The following S100A9 variants were observed in gnomAD, a reference collection of about 807,000 sequenced individuals.
S100A9 encodes S100 calcium binding protein A9.
In S100A9, 2 loss-of-function variants were observed where a neutral mutation model predicts 4.3. The observed-to-expected ratio is 0.47, with a 90% CI of 0.19 to 1.48. The LOEUF is 1.48. Ranked by LOEUF, S100A9 falls within the 40% of genes most tolerant of loss-of-function variation. The pLI is 0.24. For missense variants in S100A9, 130 were observed against 144.4 expected, an observed-to-expected ratio of 0.90 and a Z score of 0.51; for synonymous variants, 67 against 54.0, an observed-to-expected ratio of 1.24 and a Z score of -1.06.
chr1:153,360,921 A>T lies in S100A9; in HGVS notation c.*83A>T. 1 of 1,129,298 alleles carries T rather than the reference A, an allele frequency of 8.9e-7. No homozygotes were observed. Among genetic ancestry groups the T allele is most frequent in the Non-Finnish European group, 1.2e-6 (1 of 807,354 alleles). The allele number at this position is 1,129,298 out of a possible 1,614,324, so 70.0% of individuals were successfully genotyped here. ...GGCCACAGCCACTAATCAGGAGGCC[A>T]GGCCACCCTGCCTCTACCCAACCAG... On this transcript the variant is annotated 3_prime_UTR_variant, in exon 3 of 3. Coordinates refer to ENST00000368738, the MANE Select transcript of S100A9 (RefSeq NM_002965.4).
chr1:153,358,568 T>C, intron 2 of S100A9, 135 bp downstream of exon 2: 1 of 699,806 alleles, frequency 1.4e-6, no homozygotes, highest in Non-Finnish European at 2.4e-6. Flanking sequence ...GCAGCGAGTG[T>C]CCTGTTATAC....
At chr1:153,360,499 A>T (rs1297516468) in intron 2 of S100A9, 145 bp from the exon 3 acceptor site, 2 of 598,768 alleles carry the variant, frequency 3.3e-6, no homozygotes, top group Non-Finnish European at 6.0e-6. Context: ...CATTGTGCGC[A>T]CTCAGCCTAT....
At chr1:153,358,722 T>C (rs1264687853) in intron 2 of S100A9, among the ~76,000 whole-genome samples, 1 of 151,986 alleles carries the variant, frequency 6.6e-6, no homozygotes, top group Non-Finnish European at 1.5e-5. Flanking sequence ...AGACACACAG[T>C]AAAGTTGTTG....
chr1:153,360,482 T>A (rs768077706), intron 2 of S100A9, among the ~76,000 whole-genome samples, 162 bp from the exon 3 acceptor site: 2 of 152,160 alleles, frequency 1.3e-5, no homozygotes, highest in Non-Finnish European at 2.9e-5. Flanking sequence ...GTGCTCAGTG[T>A]CTGCTCCATT....
chr1:153,358,230 T>G, intron 1 of S100A9, 39 bp from the exon 2 acceptor site: 1 of 1,408,586 alleles, frequency 7.1e-7, no homozygotes, highest in Non-Finnish European at 9.6e-7. Flanking sequence ...GACAGCATTT[T>G]CTTCTAAGTG....
At chr1:153,358,191 G>A (rs904850451) in intron 1 of S100A9, 78 bp from the exon 2 acceptor site, 15 of 965,086 alleles carry the variant, frequency 1.6e-5, no homozygotes, top group Non-Finnish European at 2.1e-5. Flanking sequence ...ATTTCTGTGA[G>A]TGCTTAGTAG....
rs779138206 is a variant in S100A9, at chr1:153,358,250, T to G, written c.-15-19T>G. On this transcript the variant is annotated intron_variant, in intron 1 of 2. Transcript: ENST00000368738. ...CATTTTCTTCTAAGTGTCCCAACTCTTGGTTTTCCATTACACAGACAGAGT... is the reference window on the plus strand; with the variant it reads ...CATTTTCTTCTAAGTGTCCCAACTCGTGGTTTTCCATTACACAGACAGAGT... The G allele has an allele frequency of 2.5e-5, 37 of 1,507,408 alleles. No individual in the cohort carries two copies. The highest frequency in any genetic ancestry group is 3.0e-5 in the Non-Finnish European group (34 of 1,115,510). 93.4% of individuals were successfully genotyped at this position (1,507,408 alleles called of 1,614,324 possible).
rs76176196 is a variant in S100A9, at chr1:153,360,530, T to A, written c.151-114T>A. On this transcript the variant is annotated intron_variant, in intron 2 of 2. Coordinates refer to ENST00000368738, the MANE Select transcript of S100A9 (RefSeq NM_002965.4). ...CCTATGGTCATTTTTAATTTTTAAA[T>A]CCAGCCCCAGGGTGAGGCTTCCCTT... is the stretch of plus-strand genomic sequence containing the variant. 0.01 allele frequency: 7,013 copies of A among 693,224 alleles called. 397 individuals carry two copies. The African/African-American group carries it at 0.11, about 11-fold the overall frequency. 42.9% of individuals were successfully genotyped at this position (693,224 alleles called of 1,614,324 possible).
rs1051150013 is a variant in S100A9, at chr1:153,360,646, G to A, written c.153G>A (p.Lys51=). ...CAGCCTTCTCTCCCCACCCGCAGAA[G>A]GAGAATAAGAATGAAAAGGTCATAG... ...VRKDLQNFLK[K]ENKNEKVIEH... Residue 51 remains lysine, a splice_region_variant and synonymous_variant, in exon 3 of 3, where the codon AAG becomes AAA. Transcript: ENST00000368738. 34 of 1,600,072 alleles carry A rather than the reference G, an allele frequency of 2.1e-5. No individual in the cohort carries two copies. The highest frequency in any genetic ancestry group is 2.9e-5 in the Non-Finnish European group (34 of 1,170,076).
rs1557839368 is a variant in S100A9 at position 153,360,943 on chromosome 1, C to G, written c.*105C>G. The G allele has an allele frequency of 8.1e-6, 7 of 861,968 alleles. No homozygotes were observed. The highest frequency in any genetic ancestry group is 1.8e-5 in the South Asian group (1 of 55,204). The allele number at this position is 861,968 out of a possible 1,614,324, so 53.4% of individuals were successfully genotyped here. A position where few individuals can be genotyped will look rare whatever the true frequency, so the allele number is the denominator to read the frequency against. On this transcript the variant is annotated 3_prime_UTR_variant, in exon 3 of 3. Coordinates refer to ENST00000368738, the MANE Select transcript of S100A9 (RefSeq NM_002965.4). ...GCCAGGCCACCCTGCCTCTACCCAA[C>G]CAGGGCCCCGGGGCCTGTTATGTCA...
chr1:153,360,928 C>A lies in S100A9; in HGVS notation c.*90C>A. On this transcript the variant is annotated 3_prime_UTR_variant, in exon 3 of 3. Coordinates refer to ENST00000368738, the MANE Select transcript of S100A9 (RefSeq NM_002965.4). The stretch of plus-strand genomic sequence containing the variant: ...GCCACTAATCAGGAGGCCAGGCCAC[C>A]CTGCCTCTACCCAACCAGGGCCCCG... 1 of 997,200 alleles carries A rather than the reference C, an allele frequency of 1.0e-6. No homozygotes were observed. The highest frequency in any genetic ancestry group is 1.5e-6 in the Non-Finnish European group (1 of 689,376). The allele number at this position is 997,200 out of a possible 1,614,324, so 61.8% of individuals were successfully genotyped here. A position where few individuals can be genotyped will look rare whatever the true frequency, so the allele number is the denominator to read the frequency against.
At chr1:153,358,515 A>G (rs1661389091) in intron 2 of S100A9, 82 bp downstream of exon 2, 1 of 1,143,176 alleles carries the variant, frequency 8.7e-7, no homozygotes, top group Non-Finnish European at 1.2e-6. Flanking sequence ...GGGCTACAGC[A>G]ATCAAGGGGA....
In S100A9 at chr1:153,358,326, A is replaced by G; in HGVS notation, c.43A>G (p.Ile15Val). The G allele has an allele frequency of 6.2e-7, 1 of 1,612,612 alleles. No homozygotes were observed. The highest frequency in any genetic ancestry group is 1.3e-5 in the African/African-American group (1 of 75,036). ...MSQLERNIET[I>V]INTFHQYSVK... ...GCAGCTGGAACGCAACATAGAGACC[A>G]TCATCAACACCTTCCACCAATACTC... Residue 15 changes from isoleucine to valine, a missense_variant, in exon 2 of 3, where the codon ATC becomes GTC. By Grantham distance (29) the Ile-to-Val change is conservative. Coordinates refer to ENST00000368738, the MANE Select transcript of S100A9 (RefSeq NM_002965.4).
At chr1:153,360,001 A>G (rs1025111521) in intron 2 of S100A9, among the ~76,000 whole-genome samples, 1 of 151,786 alleles carries the variant, frequency 6.6e-6, no homozygotes, top group African/African-American at 2.4e-5. Flanking sequence ...CTCCCCTTTT[A>G]TACTTTATCA....
chr1:153,358,264 CACAG>C lies in S100A9; in HGVS notation c.-14_-11del. The C allele has an allele frequency of 3.9e-6, 6 of 1,545,458 alleles. No individual in the cohort carries two copies. Among genetic ancestry groups the C allele is most frequent in the South Asian group, 3.6e-5 (3 of 83,422 alleles). On this transcript the variant is annotated splice_acceptor_variant and splice_polypyrimidine_tract_variant and intron_variant, in intron 1 of 2. Coordinates refer to ENST00000368738, the MANE Select transcript of S100A9 (RefSeq NM_002965.4). LOFTEE classifies it low-confidence loss of function (5UTR_SPLICE). The stretch of plus-strand genomic sequence containing the variant: ...TGTCCCAACTCTTGGTTTTCCATTA[CACAG>C]ACAGAGTGCAAGACGATGACTTGCA...
intron 2 of S100A9, among the ~76,000 whole-genome samples, chr1:153,359,433 GA>G (rs1183239020): frequency 2.6e-5 from 4 of 152,224 alleles, no homozygotes; most frequent in Non-Finnish European, 4.4e-5. Flanking sequence ...TCCTCCATGT[GA>G]CCCCCTATGC....
In S100A9 at chr1:153,360,825, A is replaced by T. The variant is rs1661438270; in HGVS notation, c.332A>T (p.Glu111Val). The change falls in exon 3 of 3, where the codon GAG (glutamate) becomes GTG (valine). Residue 111 changes from glutamate to valine, a missense_variant. By Grantham distance (121) the Glu-to-Val change is moderately radical. Coordinates refer to ENST00000368738, the MANE Select transcript of S100A9 (RefSeq NM_002965.4). The stretch of plus-strand genomic sequence containing the variant: ...CACCACCATAAGCCAGGCCTCGGGG[A>T]GGGCACCCCCTAAGACCACAGTGGC... ...PGHHHKPGLG[E>V]GTP 6.2e-7 allele frequency: 1 copy of T among 1,607,598 alleles called. No individual in the cohort carries two copies. The highest frequency in any genetic ancestry group is 1.1e-5 in the South Asian group (1 of 90,234).
intron 2 of S100A9, among the ~76,000 whole-genome samples, chr1:153,360,265 T>C (rs1046062843): frequency 5.9e-5 from 9 of 152,152 alleles, no homozygotes; most frequent in Non-Finnish European, 1.3e-4. Context: ...AATGACCCTC[T>C]CTAGGACTGG....
At chr1:153,360,590 A>C in intron 2 of S100A9, 54 bp from the exon 3 acceptor site, 1 of 1,226,792 alleles carries the variant, frequency 8.2e-7, no homozygotes, top group Non-Finnish European at 1.2e-6. Flanking sequence ...CTGTGCTCCC[A>C]GTCCCCACCT....
Sources: allele counts gnomAD v4.1 joint callset (sites outside exome capture counted in the v4.1 genomes callset), GRCh38; gene constraint gnomAD v4.1.1; transcripts MANE v1.5; gene names NCBI Gene and HGNC (gene_info 2026-07-23, HGNC 2026-07-21).